ATXN7L1: variants seen among roughly 807,000 people sequenced by gnomAD.
The protein encoded by ATXN7L1 is ataxin 7 like 1.
A neutral mutation model predicts 70.8 loss-of-function variants in ATXN7L1; 15 were observed. The ratio of observed to expected loss-of-function variants is 0.21; its 90% confidence interval spans 0.14 to 0.33. ATXN7L1 has a LOEUF of 0.33. ATXN7L1 is among the 10% of genes least tolerant of loss of function. ATXN7L1 has a pLI of 1.00. For synonymous variants in ATXN7L1, 440 were observed against 445.1 expected, an observed-to-expected ratio of 0.99 and a Z score of 0.14; for missense variants, 975 against 1,097.1, an observed-to-expected ratio of 0.89 and a Z score of 1.57.
At chr7:105,780,672 T>C (rs912866794) in intron 3 of ATXN7L1, among the ~76,000 whole-genome samples, 1 of 152,058 alleles carries the variant, frequency 6.6e-6, no homozygotes, top group African/African-American at 2.4e-5. Flanking sequence ...ACAAATTCTG[T>C]GGGATCTGTG....
intron 2 of ATXN7L1, among the ~76,000 whole-genome samples, chr7:105,858,745 A>AATG (rs1585169704): frequency 6.6e-6 from 1 of 152,322 alleles, no homozygotes; most frequent in East Asian, 1.9e-4. Flanking sequence ...GTCTGAATCC[A>AATG]ATGATACTTA....
At chr7:105,752,512 C>T (rs938288236) in intron 3 of ATXN7L1, among the ~76,000 whole-genome samples, 1 of 152,194 alleles carries the variant, frequency 6.6e-6, no homozygotes, top group Non-Finnish European at 1.5e-5. Context: ...AGCCACCACA[C>T]CACCCTCTGA....
At chr7:105,699,237 A>C (rs938980073) in intron 3 of ATXN7L1, among the ~76,000 whole-genome samples, 1 of 151,818 alleles carries the variant, frequency 6.6e-6, no homozygotes, top group Non-Finnish European at 1.5e-5. Context: ...GGTTCAAGTG[A>C]TTCTCCTTCC....
At chr7:105,876,339 C>G in intron 1 of ATXN7L1, 39 bp downstream of exon 1, 1 of 1,548,020 alleles carries the variant, frequency 6.5e-7, no homozygotes, top group Non-Finnish European at 8.7e-7. Context: ...GGAAAGGTTA[C>G]AGGATAATAA....
rs79767262 is a variant in ATXN7L1 at position 105,768,451 on chromosome 7, G to A, written c.355+20153C>T. Among the ~76,000 whole-genome samples, 1,522 of 152,248 alleles carry A rather than the reference G, an allele frequency of 1.0e-2. 48 individuals carry two copies. The East Asian group carries it at 0.11, about 11-fold the overall frequency. Reference sequence around the variant, plus strand: ...GGCCTAGGAATGAGAGACGTTAACAGGATCAAGTTGTATCTGTGCCTGTAC... The same window carrying A: ...GGCCTAGGAATGAGAGACGTTAACAAGATCAAGTTGTATCTGTGCCTGTAC... On this transcript the variant is annotated intron_variant, in intron 3 of 11. Coordinates refer to ENST00000419735, the MANE Select transcript of ATXN7L1 (RefSeq NM_020725.2).
chr7:105,836,026 G>A (rs541689598), intron 2 of ATXN7L1, among the ~76,000 whole-genome samples: 2 of 152,276 alleles, frequency 1.3e-5, no homozygotes, highest in South Asian at 2.1e-4. Context: ...TTGCTCTGAG[G>A]TGAAATGTCC....
chr7:105,740,964 C>G (rs888018562), intron 3 of ATXN7L1, among the ~76,000 whole-genome samples: 2 of 151,884 alleles, frequency 1.3e-5, no homozygotes, highest in African/African-American at 4.8e-5. Flanking sequence ...TGGGTTTTCA[C>G]CATGTTAGCC....
At chr7:105,806,072 T>C (rs1807549369) in intron 2 of ATXN7L1, among the ~76,000 whole-genome samples, 1 of 152,110 alleles carries the variant, frequency 6.6e-6, no homozygotes, top group African/African-American at 2.4e-5. Context: ...TATTTGGAAC[T>C]GACCACTGTG....
At chr7:105,803,985 G>A (rs1446514138) in intron 2 of ATXN7L1, among the ~76,000 whole-genome samples, 1 of 152,148 alleles carries the variant, frequency 6.6e-6, no homozygotes, top group African/African-American at 2.4e-5. Flanking sequence ...TGTTCAATAG[G>A]GTTTGTGTCC....
At chr7:105,824,028 G>A (rs1465723261) in intron 2 of ATXN7L1, among the ~76,000 whole-genome samples, 1 of 152,106 alleles carries the variant, frequency 6.6e-6, no homozygotes, top group Non-Finnish European at 1.5e-5. Context: ...TGATGGGCAG[G>A]CTAAACAGAG....
intron 2 of ATXN7L1, among the ~76,000 whole-genome samples, chr7:105,866,973 A>G (rs1817579162): frequency 6.6e-6 from 1 of 152,236 alleles, no homozygotes; most frequent in African/African-American, 2.4e-5. Flanking sequence ...GAATGAAACA[A>G]AATGTCATAA....
chr7:105,682,332 G>A (rs555333705), intron 3 of ATXN7L1, among the ~76,000 whole-genome samples: 21 of 152,220 alleles, frequency 1.4e-4, no homozygotes, highest in African/African-American at 4.3e-4. Flanking sequence ...ATTAAGATGG[G>A]TAAGTTTCAC....
chr7:105,785,019 A>G (rs1351317427), intron 3 of ATXN7L1, among the ~76,000 whole-genome samples: 1 of 152,200 alleles, frequency 6.6e-6, no homozygotes, highest in African/African-American at 2.4e-5. Context: ...TTCCATTTGA[A>G]AGAAAGTTTG....
chr7:105,805,032 C>A (rs1807353449), intron 2 of ATXN7L1, among the ~76,000 whole-genome samples: 2 of 152,326 alleles, frequency 1.3e-5, no homozygotes, highest in South Asian at 4.1e-4. Flanking sequence ...CAATAAAGAA[C>A]AGAAGCTCCT....
At chr7:105,691,798 G>C (rs1353512855) in intron 3 of ATXN7L1, among the ~76,000 whole-genome samples, 1 of 152,038 alleles carries the variant, frequency 6.6e-6, no homozygotes, top group Non-Finnish European at 1.5e-5. Flanking sequence ...TGCACAGCCC[G>C]ACGGCTGACC....
chr7:105,808,093 C>G (rs1001082152), intron 2 of ATXN7L1, among the ~76,000 whole-genome samples: 18 of 152,160 alleles, frequency 1.2e-4, no homozygotes, highest in African/African-American at 4.1e-4. Flanking sequence ...TGGAGGGTCA[C>G]TCTGCTCCTA....
chr7:105,866,936 C>G (rs545142039), intron 2 of ATXN7L1, among the ~76,000 whole-genome samples: 79 of 152,352 alleles, frequency 5.2e-4, no homozygotes, highest in Non-Finnish European at 1.0e-3. Context: ...GTACTACCAT[C>G]TTATGCCTAC....
chr7:105,697,510 C>T (rs2116224589), intron 3 of ATXN7L1, among the ~76,000 whole-genome samples: 1 of 152,316 alleles, frequency 6.6e-6, no homozygotes, highest in South Asian at 2.1e-4. Context: ...TGCTGTTATC[C>T]TGTTCTTTTT....
chr7:105,747,685 A>G (rs1368701695), intron 3 of ATXN7L1, among the ~76,000 whole-genome samples: 1 of 152,168 alleles, frequency 6.6e-6, no homozygotes, highest in Non-Finnish European at 1.5e-5. Context: ...AGTCTTGGGG[A>G]CTGAGCCCTC....
Sources: gnomAD v4.1 joint callset for allele counts (sites outside exome capture counted in the v4.1 genomes callset) on GRCh38, gnomAD v4.1.1 for gene constraint, MANE v1.5 for transcripts, NCBI Gene and HGNC (gene_info 2026-07-23, HGNC 2026-07-21) for gene names.